The following AMBRA1 variants were observed in gnomAD, a reference collection of about 807,000 sequenced individuals.
The protein encoded by AMBRA1 is autophagy and beclin 1 regulator 1.
Under a neutral mutation model 125.4 loss-of-function variants are expected in AMBRA1, and 47 were observed. The ratio of observed to expected loss-of-function variants is 0.37; its 90% CI spans 0.30 to 0.48. AMBRA1 has a LOEUF of 0.48. Among genes scored for constraint, AMBRA1 ranks in the 20% least tolerant of loss-of-function variants. AMBRA1 has a pLI of 0.99. For missense variants in AMBRA1, 1,331 were observed against 1,693.4 expected (o/e 0.79, Z 3.76); for synonymous variants, 626 against 655.5 (o/e 0.95, Z 0.69).
chr11:46,485,866 A>G (rs1184676284), intron 11 of AMBRA1, among the ~76,000 whole-genome samples: 1 of 152,226 alleles, frequency 6.6e-6, no homozygotes, highest in East Asian at 1.9e-4. Flanking sequence ...CATGTTCTCA[A>G]TAAGCACACT....
At chr11:46,556,185 T>G (rs1296489977) in intron 1 of AMBRA1, among the ~76,000 whole-genome samples, 1 of 152,212 alleles carries the variant, frequency 6.6e-6, no homozygotes, top group African/African-American at 2.4e-5. Context: ...TTTCTACGAC[T>G]GGCAGCTTTG....
At chr11:46,530,564 C>T (rs1259473727) in intron 7 of AMBRA1, 1 of 152,218 alleles carries the variant, frequency 6.6e-6, no homozygotes, top group African/African-American at 2.4e-5. Flanking sequence ...CAAAGAATCC[C>T]ACAAGAGCCA....
At chr11:46,454,375 T>C (rs1272672150) in intron 11 of AMBRA1, among the ~76,000 whole-genome samples, 1 of 151,408 alleles carries the variant, frequency 6.6e-6, no homozygotes, top group Non-Finnish European at 1.5e-5. Flanking sequence ...AAAAATTTTC[T>C]CAAAACAACA....
chr11:46,571,730 C>T (rs1417239760), intron 1 of AMBRA1, among the ~76,000 whole-genome samples: 3 of 58 alleles, frequency 0.052, no homozygotes, highest in African/African-American at 0.12. Context: ...CCTCTGTCGC[C>T]CCAGGCTGGA....
intron 9 of AMBRA1, among the ~76,000 whole-genome samples, chr11:46,500,333 G>A (rs987528041): frequency 1.3e-5 from 2 of 151,998 alleles, no homozygotes; most frequent in Non-Finnish European, 2.9e-5. Context: ...CAGGAAGCTC[G>A]TTCCCCTAAA....
In AMBRA1 at chr11:46,408,583, C is replaced by T. The variant is rs1946138066; in HGVS notation, c.3333G>A (p.Leu1111=). 1.1e-5 allele frequency: 18 copies of T among 1,608,146 alleles called. No homozygotes were observed. Among genetic ancestry groups the T allele is most frequent in the Non-Finnish European group, 1.5e-5 (18 of 1,176,390 alleles). ...TCTCAGTCTGTGTTTCGGCATTCTG[C>T]AGCTGAAGGGCCAGAGTCTGGGTGC... ...SQGTQTLALQ[L]QNAETQTERE... The change falls in exon 17 of 18, where the codon CTG becomes CTA. Residue 1111 remains leucine (L), a synonymous_variant. Transcript: ENST00000683756.
chr11:46,583,669 A>C (rs1374951564), intron 1 of AMBRA1, among the ~76,000 whole-genome samples: 8 of 141,970 alleles, frequency 5.6e-5, no homozygotes, highest in African/African-American at 1.9e-4. Flanking sequence ...AAAAAAAAAA[A>C]AAAAAAAAAA....
intron 12 of AMBRA1, among the ~76,000 whole-genome samples, chr11:46,442,486 C>T (rs1948067444): frequency 6.6e-6 from 1 of 152,016 alleles, no homozygotes; most frequent in African/African-American, 2.4e-5. Flanking sequence ...GGTCAGGCCA[C>T]CTTGTCAGTG....
intron 11 of AMBRA1, among the ~76,000 whole-genome samples, chr11:46,491,563 C>T (rs548045757): frequency 6.6e-6 from 1 of 152,290 alleles, no homozygotes; most frequent in East Asian, 1.9e-4. Flanking sequence ...TCTGGAGGGA[C>T]ATCAAAATAT....
intron 1 of AMBRA1, among the ~76,000 whole-genome samples, chr11:46,564,588 C>G (rs1378316930): frequency 6.6e-6 from 1 of 151,970 alleles, no homozygotes; most frequent in Non-Finnish European, 1.5e-5. Flanking sequence ...AAAAAAAGCT[C>G]TCTTCATGTC....
chr11:46,566,180 AG>A (rs1210315905), intron 1 of AMBRA1, among the ~76,000 whole-genome samples: 1 of 152,142 alleles, frequency 6.6e-6, no homozygotes, highest in African/African-American at 2.4e-5. Context: ...GCACTCTGGG[AG>A]GCTGAGGAGG....
At chr11:46,479,731 AG>A (rs1289899583) in intron 11 of AMBRA1, among the ~76,000 whole-genome samples, 1 of 152,168 alleles carries the variant, frequency 6.6e-6, no homozygotes, top group Non-Finnish European at 1.5e-5. Context: ...GAAGAAGCAC[AG>A]GTTAGTTTAC....
chr11:46,418,959 C>A (rs1312156194), intron 14 of AMBRA1, among the ~76,000 whole-genome samples: 1 of 151,864 alleles, frequency 6.6e-6, no homozygotes, highest in East Asian at 1.9e-4. Context: ...AACCACAGTG[C>A]TCTCACAGCA....
intron 1 of AMBRA1, among the ~76,000 whole-genome samples, chr11:46,571,687 CTTTTTT>C (rs543760300): frequency 8.1e-6 from 1 of 123,918 alleles, no homozygotes; most frequent in Non-Finnish European, 1.7e-5. Flanking sequence ...ATCAATCAAT[CTTTTTT>C]TTTTTTTTTT....
chr11:46,410,536 T>C (rs150768979), intron 15 of AMBRA1, among the ~76,000 whole-genome samples, 168 bp from the exon 16 acceptor site: 1 of 152,340 alleles, frequency 6.6e-6, no homozygotes, highest in East Asian at 1.9e-4. Flanking sequence ...GGATGCTCAG[T>C]GCTGGATCAA....
At chr11:46,459,485 T>C (rs998689378) in intron 11 of AMBRA1, among the ~76,000 whole-genome samples, 9 of 152,040 alleles carry the variant, frequency 5.9e-5, no homozygotes, top group Non-Finnish European at 1.2e-4. Context: ...CCGACGCAAG[T>C]GGATCACCTG....
chr11:46,447,617 G>A (rs1948356838), intron 11 of AMBRA1, among the ~76,000 whole-genome samples: 1 of 152,106 alleles, frequency 6.6e-6, no homozygotes, highest in African/African-American at 2.4e-5. Context: ...GGAGACTGAG[G>A]TGGGATAGCT....
At chr11:46,520,459 T>C (rs1179936457) in intron 7 of AMBRA1, among the ~76,000 whole-genome samples, 1 of 152,226 alleles carries the variant, frequency 6.6e-6, no homozygotes. Flanking sequence ...GTTATTTATC[T>C]TGGCAATTTC....
intron 1 of AMBRA1, among the ~76,000 whole-genome samples, chr11:46,587,285 C>A (rs2044437552): frequency 6.6e-6 from 1 of 152,040 alleles, no homozygotes; most frequent in African/African-American, 2.4e-5. Flanking sequence ...GAGGCTGAGG[C>A]ACGAGAATCG....
Sources: allele counts gnomAD v4.1 joint callset (sites outside exome capture counted in the v4.1 genomes callset), GRCh38; gene constraint gnomAD v4.1.1; transcripts MANE v1.5; gene names NCBI Gene and HGNC (gene_info 2026-07-23, HGNC 2026-07-21).